The following HACD2 variants were observed in gnomAD, a reference collection of about 807,000 sequenced individuals.
HACD2 encodes the protein 3-hydroxyacyl-CoA dehydratase 2.
A neutral mutation model predicts 31.0 loss-of-function variants in HACD2; 15 were observed. That is an observed-to-expected ratio of 0.48 (90% CI 0.32 to 0.75). The LOEUF is 0.75. HACD2 is among the 30% of genes least tolerant of loss of function. The pLI is 0.03. For synonymous variants in HACD2, 115 were observed against 122.2 expected (o/e 0.94, Z 0.39); for missense variants, 283 against 313.0 (o/e 0.90, Z 0.72).
intron 6 of HACD2, among the ~76,000 whole-genome samples, chr3:123,498,640 G>A (rs1371842295): frequency 6.6e-6 from 1 of 152,166 alleles, no homozygotes; most frequent in Non-Finnish European, 1.5e-5. Flanking sequence ...GTTTCATCCT[G>A]AAACCATCCC....
chr3:123,539,992 C>T (rs753330989), intron 3 of HACD2, among the ~76,000 whole-genome samples: 95 of 134,088 alleles, frequency 7.1e-4, no homozygotes, highest in Admixed American at 5.6e-4. Context: ...GAGGCTGAGA[C>T]GGGAGGATCA....
chr3:123,513,824 G>A (rs906617492), intron 4 of HACD2, among the ~76,000 whole-genome samples: 6 of 152,210 alleles, frequency 3.9e-5, no homozygotes, highest in Non-Finnish European at 5.9e-5. Flanking sequence ...TACTGGATTA[G>A]ACAGTAGTGT....
Position 123,557,042 on chromosome 3 carries a change from A to G in HACD2, c.292+10720T>C, listed in dbSNP as rs997670938. 3.3e-5 allele frequency among the ~76,000 whole-genome samples: 5 copies of G among 152,388 alleles called. No homozygotes were observed. The South Asian group carries it at 6.2e-4, about 19-fold the overall frequency. ...CAGGAGAAAATATTTGCAAAAGATA[A>G]TATTTGACAAAGGACTGTTATCCTA... On this transcript the variant is annotated intron_variant, in intron 3 of 6. Transcript: ENST00000383657.
intron 3 of HACD2, among the ~76,000 whole-genome samples, chr3:123,536,013 T>C (rs1019792196): frequency 6.6e-6 from 1 of 152,202 alleles, no homozygotes; most frequent in Non-Finnish European, 1.5e-5. Context: ...AAAGCAAATA[T>C]GTAGGTGAAT....
intron 2 of HACD2, 21 bp from the exon 3 acceptor site, chr3:123,567,801 A>G: frequency 6.8e-7 from 1 of 1,464,786 alleles, no homozygotes; most frequent in Admixed American, 2.2e-5. Context: ...AAAGGGGAAA[A>G]AAGAGGAGAA....
intron 4 of HACD2, among the ~76,000 whole-genome samples, chr3:123,516,233 ATTTTTT>A (rs138783399): frequency 7.9e-6 from 1 of 125,808 alleles, no homozygotes. Context: ...TGTGCAACAT[ATTTTTT>A]TTTTTTTTTT....
At chr3:123,513,849 T>C (rs1021279643) in intron 4 of HACD2, among the ~76,000 whole-genome samples, 2 of 152,204 alleles carry the variant, frequency 1.3e-5, no homozygotes, top group Non-Finnish European at 2.9e-5. Context: ...TCAAGGCTGA[T>C]TTCCCGATTT....
At chr3:123,577,513 C>T (rs992292086) in intron 2 of HACD2, among the ~76,000 whole-genome samples, 1 of 150,838 alleles carries the variant, frequency 6.6e-6, no homozygotes, top group Admixed American at 6.6e-5. Flanking sequence ...CCCAGCTACT[C>T]GGGAAGCTGA....
Position 123,509,787 on chromosome 3 carries a change from G to A in HACD2, c.382-7106C>T, listed in dbSNP as rs148272682. On this transcript the variant is annotated intron_variant, in intron 4 of 6. Coordinates refer to ENST00000383657, the MANE Select transcript of HACD2 (RefSeq NM_198402.5). ...GTACTGGGATTACAGGTGAGCAACCGCACCTGGCCCCTGTGACTTCTTTAG... is the reference window on the plus strand; with the variant it reads ...GTACTGGGATTACAGGTGAGCAACCACACCTGGCCCCTGTGACTTCTTTAG... 2.7e-3 allele frequency among the ~76,000 whole-genome samples: 413 copies of A among 152,162 alleles called. 1 individual carries two copies. The highest frequency in any genetic ancestry group is 9.2e-3 in the African/African-American group (382 of 41,528).
intron 4 of HACD2, among the ~76,000 whole-genome samples, chr3:123,503,463 C>A (rs1229546456): frequency 6.6e-6 from 1 of 151,920 alleles, no homozygotes; most frequent in Non-Finnish European, 1.5e-5. Context: ...GCAGTTAGAG[C>A]CAGAGAGCTT....
chr3:123,502,751 G>A (rs1179663600), intron 4 of HACD2, 70 bp from the exon 5 acceptor site: 32 of 1,502,872 alleles, frequency 2.1e-5, no homozygotes, highest in South Asian at 1.4e-4. Context: ...TGCAGCACCC[G>A]GCAGAGCCAG....
chr3:123,584,146 T>C lies in HACD2; in HGVS notation c.155+727A>G, dbSNP rs1312370854. 7.9e-5 allele frequency among the ~76,000 whole-genome samples: 12 copies of C among 152,256 alleles called. No homozygotes were observed. The East Asian group carries it at 2.3e-3, about 29-fold the overall frequency. On this transcript the variant is annotated intron_variant, in intron 1 of 6. Transcript: ENST00000383657. ...AAAAACGGAGGCTAGAGAAATAAGA[T>C]GATTTATCCAAAGTCACACAGCTAG...
intron 4 of HACD2, among the ~76,000 whole-genome samples, chr3:123,522,457 G>T (rs2056228484): frequency 6.6e-6 from 1 of 152,046 alleles, no homozygotes; most frequent in Non-Finnish European, 1.5e-5. Context: ...GTTGGAAAGG[G>T]ACAGGCAGAA....
rs553240413 is a variant in HACD2 at position 123,567,751 on chromosome 3, T to G, written c.292+11A>C. 3.4e-6 allele frequency: 5 copies of G among 1,465,968 alleles called. No homozygotes were observed. The highest frequency in any genetic ancestry group is 1.8e-4 in the Middle Eastern group (1 of 5,566). The allele number at this position is 1,465,968 out of a possible 1,614,324, so 90.8% of individuals were successfully genotyped here. On this transcript the variant is annotated intron_variant, in intron 3 of 6. Coordinates refer to ENST00000383657, the MANE Select transcript of HACD2 (RefSeq NM_198402.5). ...TCACTGTACATAGTAGGGGGGAATA[T>G]CCATACTTACCTATAGCACAATGTA... is the stretch of plus-strand genomic sequence containing the variant.
At chr3:123,578,974 G>A (rs563611704) in intron 2 of HACD2, among the ~76,000 whole-genome samples, 3 of 152,284 alleles carry the variant, frequency 2.0e-5, no homozygotes, top group African/African-American at 7.2e-5. Context: ...CCCAGTCCAA[G>A]GGATTACTTC....
At chr3:123,541,509 G>T (rs980801816) in intron 3 of HACD2, among the ~76,000 whole-genome samples, 9 of 152,180 alleles carry the variant, frequency 5.9e-5, no homozygotes, top group Non-Finnish European at 1.2e-4. Context: ...GTACTAGAAG[G>T]TTGTGAAAAA....
chr3:123,558,888 G>A (rs1035953836), intron 3 of HACD2, among the ~76,000 whole-genome samples: 1 of 152,178 alleles, frequency 6.6e-6, no homozygotes, highest in African/African-American at 2.4e-5. Flanking sequence ...ATAGGTGTAA[G>A]GTTGACTTCA....
intron 3 of HACD2, among the ~76,000 whole-genome samples, chr3:123,545,490 T>TAAATAAATAAAC (rs754871929): frequency 1.8e-4 from 2 of 10,840 alleles, no homozygotes; most frequent in African/African-American, 2.4e-4. Flanking sequence ...TCAGTAAAAA[T>TAAATAAATAAAC]AAATAAATAA....
chr3:123,523,667 A>G (rs141362778), intron 4 of HACD2, among the ~76,000 whole-genome samples: 1 of 152,294 alleles, frequency 6.6e-6, no homozygotes, highest in Non-Finnish European at 1.5e-5. Flanking sequence ...AGGTGAGGTG[A>G]CACTTTTGAG....
Sources: allele counts gnomAD v4.1 joint callset (sites outside exome capture counted in the v4.1 genomes callset), GRCh38; gene constraint gnomAD v4.1.1; transcripts MANE v1.5; gene names NCBI Gene and HGNC (gene_info 2026-07-23, HGNC 2026-07-21).